The following SYT1 variants were observed in gnomAD, a reference collection of about 807,000 sequenced individuals.
SYT1 encodes synaptotagmin-1.
In SYT1, 8 loss-of-function variants were observed where a neutral mutation model predicts 44.8. That is an observed-to-expected ratio of 0.18 (90% CI 0.10 to 0.32). The LOEUF (loss-of-function observed/expected upper bound fraction) is 0.32. Ranked by LOEUF, SYT1 falls within the 10% of genes least tolerant of loss-of-function variation. The pLI is 1.00. For missense variants in SYT1, 286 were observed against 509.3 expected, an observed-to-expected ratio of 0.56 and a Z score of 4.22; for synonymous variants, 154 against 188.8, an observed-to-expected ratio of 0.82 and a Z score of 1.51.
At chr12:79,190,530 G>A (rs954180765) in intron 3 of SYT1, among the ~76,000 whole-genome samples, 13 of 151,986 alleles carry the variant, frequency 8.6e-5, no homozygotes, top group Admixed American at 2.0e-4. Context: ...TTTTGAAATC[G>A]ATACATTGCA....
chr12:79,158,486 A>G (rs1301086619), intron 3 of SYT1, among the ~76,000 whole-genome samples: 1 of 152,128 alleles, frequency 6.6e-6, no homozygotes, highest in Non-Finnish European at 1.5e-5. Flanking sequence ...CTTGGTCCTG[A>G]GAGGCCACAC....
chr12:78,908,651 T>C (rs2137119585), intron 1 of SYT1, among the ~76,000 whole-genome samples: 1 of 152,016 alleles, frequency 6.6e-6, no homozygotes, highest in South Asian at 2.1e-4. Flanking sequence ...GGTTATTTGG[T>C]AATATTTCCA....
At chr12:79,211,343 A>C (rs988280780) in intron 3 of SYT1, among the ~76,000 whole-genome samples, 2 of 152,192 alleles carry the variant, frequency 1.3e-5, no homozygotes, top group Non-Finnish European at 2.9e-5. Context: ...AATATTGTAA[A>C]TAATGTTACT....
chr12:79,129,014 C>T (rs1478546584), intron 3 of SYT1, among the ~76,000 whole-genome samples: 1 of 151,844 alleles, frequency 6.6e-6, no homozygotes, highest in Non-Finnish European at 1.5e-5. Flanking sequence ...AGAACAAAAC[C>T]TTAAAGAATC....
intron 4 of SYT1, among the ~76,000 whole-genome samples, chr12:79,278,962 A>G (rs1387776808): frequency 6.6e-6 from 1 of 151,666 alleles, no homozygotes; most frequent in East Asian, 1.9e-4. Flanking sequence ...TCAGGAAGAA[A>G]TAGAACTCTT....
chr12:79,384,946 C>T (rs1884373788), intron 9 of SYT1, among the ~76,000 whole-genome samples: 1 of 151,146 alleles, frequency 6.6e-6, no homozygotes, highest in Non-Finnish European at 1.5e-5. Context: ...TTATTCCCAC[C>T]AAGCAATTTA....
Position 79,027,377 on chromosome 12 carries a change from T to C in SYT1, c.-83-19920T>C, listed in dbSNP as rs979197481. ...TATATTGATTCACTTTCTCAATGAG[T>C]CCATGAGAGTGAGGACTTCATCATA... On this transcript the variant is annotated intron_variant, in intron 2 of 10. Transcript: ENST00000261205. Among the ~76,000 whole-genome samples the C allele has an allele frequency of 2.6e-5, 4 of 151,528 alleles. No individual in the cohort carries two copies. In the Admixed American group the frequency reaches 2.6e-4, roughly 10 times the overall value.
chr12:79,106,231 T>C (rs1878712074), intron 3 of SYT1, among the ~76,000 whole-genome samples: 1 of 152,130 alleles, frequency 6.6e-6, no homozygotes, highest in Admixed American at 6.5e-5. Context: ...GGTTGGATTG[T>C]CAAGAGAAAA....
At chr12:79,250,701 TG>T (rs529677938) in intron 4 of SYT1, among the ~76,000 whole-genome samples, 28 of 152,192 alleles carry the variant, frequency 1.8e-4, no homozygotes, top group African/African-American at 4.6e-4. Flanking sequence ...GTATTTTAGG[TG>T]GGGGGAACTC....
At chr12:79,341,932 G>A (rs1324066345) in intron 8 of SYT1, among the ~76,000 whole-genome samples, 1 of 152,060 alleles carries the variant, frequency 6.6e-6, no homozygotes, top group East Asian at 1.9e-4. Flanking sequence ...CATTCAGAAA[G>A]ATGTGAAAGA....
intron 3 of SYT1, among the ~76,000 whole-genome samples, chr12:79,093,905 C>T (rs1877946735): frequency 6.6e-6 from 1 of 151,594 alleles, no homozygotes. Context: ...CAATCTTGAA[C>T]TGGCATTGTA....
chr12:79,445,155 CT>C (rs1870636047), intron 10 of SYT1, among the ~76,000 whole-genome samples: 1 of 152,024 alleles, frequency 6.6e-6, no homozygotes, highest in Non-Finnish European at 1.5e-5. Context: ...AACAAATACT[CT>C]TTATTTATTT....
chr12:79,195,510 A>G (rs917458642), intron 3 of SYT1, among the ~76,000 whole-genome samples: 5 of 14,068 alleles, frequency 3.6e-4, no homozygotes, highest in Admixed American at 3.5e-3. Flanking sequence ...GTAACCCTGA[A>G]AAAAAAAAAA....
At chr12:79,377,742 G>C (rs1884058704) in intron 9 of SYT1, among the ~76,000 whole-genome samples, 1 of 152,032 alleles carries the variant, frequency 6.6e-6, no homozygotes, top group African/African-American at 2.4e-5. Context: ...GAATTATTTA[G>C]TACTAATTAT....
At chr12:78,972,194 T>C (rs1868428483) in intron 1 of SYT1, among the ~76,000 whole-genome samples, 1 of 152,116 alleles carries the variant, frequency 6.6e-6, no homozygotes, top group Non-Finnish European at 1.5e-5. Context: ...ATTCTTCTTA[T>C]GTAAATATCA....
At chr12:79,099,645 A>G (rs1478023202) in intron 3 of SYT1, among the ~76,000 whole-genome samples, 1 of 150,346 alleles carries the variant, frequency 6.7e-6, no homozygotes, top group East Asian at 2.0e-4. Flanking sequence ...ATTGATAAAT[A>G]TCTTTAAAAG....
chr12:79,209,751 G>A (rs1031890752), intron 3 of SYT1, among the ~76,000 whole-genome samples: 1 of 152,128 alleles, frequency 6.6e-6, no homozygotes, highest in African/African-American at 2.4e-5. Context: ...AATAGACCTG[G>A]CCCTCACTTA....
chr12:79,017,263 T>G (rs1387253874), intron 2 of SYT1, among the ~76,000 whole-genome samples: 1 of 152,164 alleles, frequency 6.6e-6, no homozygotes, highest in Non-Finnish European at 1.5e-5. Context: ...CTTACTTGTA[T>G]TAGGCATTTA....
At position 79,024,783 on chromosome 12, in the gene SYT1, T is replaced by C. The variant is rs531333315; in HGVS notation, c.-83-22514T>C. On this transcript the variant is annotated intron_variant, in intron 2 of 10. Coordinates refer to ENST00000261205, the MANE Select transcript of SYT1 (RefSeq NM_005639.3). ...ATCTGACATACTATATTTTTTATTT[T>C]TGTGATTAAGGAAAGATTTGGATTG... Among the ~76,000 whole-genome samples, 48 of 151,958 alleles carry C rather than the reference T, an allele frequency of 3.2e-4. 1 individual carries two copies. The highest frequency in any genetic ancestry group is 5.3e-4 in the Non-Finnish European group (36 of 67,850).
Sources: gnomAD v4.1 joint callset for allele counts (sites outside exome capture counted in the v4.1 genomes callset) on GRCh38, gnomAD v4.1.1 for gene constraint, MANE v1.5 for transcripts, NCBI Gene and HGNC (gene_info 2026-07-23, HGNC 2026-07-21) for gene names.